The following CIC variants were observed in gnomAD, a reference collection of about 807,000 sequenced individuals.
CIC encodes protein capicua homolog.
A neutral mutation model predicts 115.7 loss-of-function variants in CIC; 18 were observed. The ratio of observed to expected loss-of-function variants is 0.16; its 90% CI spans 0.11 to 0.23. The LOEUF is 0.23. Ranked by LOEUF, CIC falls within the 10% of genes least tolerant of loss-of-function variation. The pLI is 1.00. For missense variants in CIC, 2,000 were observed against 2,159.3 expected, an observed-to-expected ratio of 0.93 and a Z score of 1.46; for synonymous variants, 1,076 against 923.0, an observed-to-expected ratio of 1.17 and a Z score of -3.01.
rs1244274919 is a variant in CIC, at chr19:42,294,695, G to A, written c.7146G>A (p.Leu2382=). 2 of 1,613,740 alleles carry A rather than the reference G, an allele frequency of 1.2e-6. No individual in the cohort carries two copies. Among genetic ancestry groups the A allele is most frequent in the African/African-American group, 2.7e-5 (2 of 75,026 alleles). ...GCACCCTGGACCAGCGCCGGGCCCT[G>A]GTCATGCAGCTCTTTCAGGACCATG... ...LRRTLDQRRA[L]VMQLFQDHGF... The change falls in exon 20 of 21, where the codon CTG becomes CTA. Residue 2382 remains leucine (L), a synonymous_variant. Coordinates refer to ENST00000681038, the MANE Select transcript of CIC (RefSeq NM_001386298.1).
Position 42,293,550 on chromosome 19 carries a change from T to A in CIC, c.6523-42T>A. On this transcript the variant is annotated intron_variant, in intron 16 of 20. Coordinates refer to ENST00000681038, the MANE Select transcript of CIC (RefSeq NM_001386298.1). ...TGTTTCTGGCCTTTGCCCCAGAGTCTGAGCTCAGTGTTCGCCATCTCCCTG... is the reference window on the plus strand; with the variant it reads ...TGTTTCTGGCCTTTGCCCCAGAGTCAGAGCTCAGTGTTCGCCATCTCCCTG... The A allele has an allele frequency of 2.5e-6, 4 of 1,613,316 alleles. No individual in the cohort carries two copies. The South Asian group carries it at 4.4e-5, about 18-fold the overall frequency.
In CIC at chr19:42,289,050, G is replaced by C. The variant is rs2147228410; in HGVS notation, c.3821G>C (p.Gly1274Ala). The change falls in exon 8 of 21, where the codon GGC becomes GCC. Residue 1274 changes from glycine (G) to alanine (A), a missense_variant. Physicochemically the swap from Gly to Ala is moderately conservative, Grantham distance 60 (BLOSUM62 0). This residue lies in a region of CIC where 1,466 missense variants were observed against 1,390.4 expected (regional missense o/e 1.05). Transcript: ENST00000681038. ...CACAGCGGGGTACACAGCCTGGACG[G>C]CGGAGAAGTAGACAGTCAGGCGCTA... ...FSHSGVHSLD[G>A]GEVDSQALQE... is the part of the protein sequence containing the mutation. 1 of 1,613,724 alleles carries C rather than the reference G, an allele frequency of 6.2e-7. No individual in the cohort carries two copies. The highest frequency in any genetic ancestry group is 8.5e-7 in the Non-Finnish European group (1 of 1,180,048).
rs2147179084 is a variant in CIC at position 42,287,091 on chromosome 19, A to G, written c.3030A>G (p.Thr1010=). Residue 1010 remains threonine, a synonymous_variant, in exon 4 of 21, where the codon ACA becomes ACG. Coordinates refer to ENST00000681038, the MANE Select transcript of CIC (RefSeq NM_001386298.1). The surrounding 1 kb of genome is among the most constrained non-coding windows in gnomAD (Gnocchi z 8.7). Reference sequence around the variant, plus strand: ...ACCCTGAGCGGCCCCCTGGAGCCACATGCCCTGAGAGCCCAGGACCCGGAC... The same window carrying G: ...ACCCTGAGCGGCCCCCTGGAGCCACGTGCCCTGAGAGCCCAGGACCCGGAC... The part of the protein sequence containing the change: ...SADPERPPGA[T]CPESPGPGPP... 1 of 1,613,416 alleles carries G rather than the reference A, an allele frequency of 6.2e-7. No individual in the cohort carries two copies. Among genetic ancestry groups the G allele is most frequent in the South Asian group, 1.1e-5 (1 of 91,062 alleles).
At chr19:42,294,350 G>C (rs750525514) in intron 19 of CIC, 46 bp downstream of exon 19, 2 of 1,608,488 alleles carry the variant, frequency 1.2e-6, no homozygotes, top group Non-Finnish European at 1.7e-6. Context: ...CCTGCAAGAG[G>C]AGTGGGTCTC....
chr19:42,293,929 C>T lies in CIC; in HGVS notation c.6768-6C>T, dbSNP rs367893295. 7.5e-5 allele frequency: 121 copies of T among 1,612,844 alleles called. No individual in the cohort carries two copies. The highest frequency in any genetic ancestry group is 9.8e-5 in the Non-Finnish European group (116 of 1,179,974). On this transcript the variant is annotated splice_region_variant and splice_polypyrimidine_tract_variant and intron_variant, in intron 17 of 20. Coordinates refer to ENST00000681038, the MANE Select transcript of CIC (RefSeq NM_001386298.1). ...GGCGGGGGAGGTGACCCTGCCGGCC[C>T]TCCAGCAGGGTCCTGTCAGAAGTGG...
At chr19:42,268,944 G>A (rs1178891503), upstream of CIC, among the ~76,000 whole-genome samples, 1 of 152,192 alleles carries the variant, frequency 6.6e-6, no homozygotes, top group Non-Finnish European at 1.5e-5. Context: ...TACTGTATTT[G>A]TCATTTGGAA....
chr19:42,274,898 C>G (rs188255848), intron 2 of CIC, among the ~76,000 whole-genome samples: 1 of 152,180 alleles, frequency 6.6e-6, no homozygotes, highest in Non-Finnish European at 1.5e-5. Flanking sequence ...GTGGCAACAG[C>G]TTCCACATCT....
At chr19:42,284,801 G>C (rs768148820) in intron 2 of CIC, 2 of 1,535,174 alleles carry the variant, frequency 1.3e-6, no homozygotes, top group South Asian at 2.4e-5. Context: ...TGGGACTGCA[G>C]GGGTCAAGGT....
rs1882021230 is a variant in CIC, at chr19:42,291,022, A to C, written c.4981A>C (p.Thr1661Pro). ...CTTGGTGGCTGGACCCCTGCTGGGC[A>C]CTGTGGGGAAGGCGCCTGCCACTGT... is the stretch of plus-strand genomic sequence containing the variant. ...PHLVAGPLLGTVGKAPATVTN... is the reference protein window; with the variant it reads ...PHLVAGPLLGPVGKAPATVTN... Residue 1661 changes from threonine (T) to proline (P), a missense_variant, in exon 11 of 21, where the codon ACT (threonine) becomes CCT (proline). This residue lies in a region of CIC where 1,466 missense variants were observed against 1,390.4 expected (regional missense o/e 1.05). Transcript: ENST00000681038. The C allele has an allele frequency of 1.9e-6, 3 of 1,613,562 alleles. No homozygotes were observed. Among genetic ancestry groups the C allele is most frequent in the Non-Finnish European group, 1.7e-6 (2 of 1,179,914 alleles).
At chr19:42,288,064 C>T (rs1190038931) in intron 7 of CIC, 89 bp downstream of exon 7, 4 of 1,427,536 alleles carry the variant, frequency 2.8e-6, no homozygotes, top group Non-Finnish European at 2.9e-6. Context: ...CCTGCCCCAG[C>T]AGCTCCTCTC....
chr19:42,290,481 A>G lies in CIC; in HGVS notation c.4440A>G (p.Leu1480=), dbSNP rs754264586. ...ESGQGSTAGP[L]RPPPPGAGGP... Reference sequence around the variant, plus strand: ...GTCAGGGCAGCACAGCGGGCCCCCTACGGCCCCCACCCCCTGGGGCTGGGG... The same window carrying G: ...GTCAGGGCAGCACAGCGGGCCCCCTGCGGCCCCCACCCCCTGGGGCTGGGG... Residue 1480 remains leucine (L), a synonymous_variant, in exon 11 of 21, where the codon CTA becomes CTG. Coordinates refer to ENST00000681038, the MANE Select transcript of CIC (RefSeq NM_001386298.1). 2.5e-6 allele frequency: 4 copies of G among 1,613,524 alleles called. No homozygotes were observed. The highest frequency in any genetic ancestry group is 2.2e-5 in the South Asian group (2 of 91,076).
intron 2 of CIC, among the ~76,000 whole-genome samples, chr19:42,277,636 G>A (rs933904609): frequency 1.3e-5 from 2 of 152,240 alleles, no homozygotes; most frequent in Non-Finnish European, 2.9e-5. Context: ...ACTGAGCGAA[G>A]ACTGTGTGCC....
chr19:42,282,080 C>T (rs2037283285), intron 2 of CIC, among the ~76,000 whole-genome samples: 1 of 152,156 alleles, frequency 6.6e-6, no homozygotes, highest in African/African-American at 2.4e-5. Flanking sequence ...CAATTCGTGC[C>T]TCACATTGCA....
chr19:42,270,028 G>T lies in CIC; in HGVS notation c.-11+647G>T, dbSNP rs942235948. Among the ~76,000 whole-genome samples, 3 of 152,170 alleles carry T rather than the reference G, an allele frequency of 2.0e-5. No homozygotes were observed. Among genetic ancestry groups the T allele is most frequent in the Non-Finnish European group, 4.4e-5 (3 of 68,020 alleles). Reference sequence around the variant, plus strand: ...AGTAGGCCCTAGGGGAAAGAAAGCAGCTCTGGGGCGAAGAGAGGCTGGGCC... The same window carrying T: ...AGTAGGCCCTAGGGGAAAGAAAGCATCTCTGGGGCGAAGAGAGGCTGGGCC... On this transcript the variant is annotated intron_variant, in intron 1 of 20. Transcript: ENST00000681038. The surrounding 1 kb of genome is among the most constrained non-coding windows in gnomAD (Gnocchi z 4.1).
Position 42,274,330 on chromosome 19 carries a change from C to T in CIC, c.2547C>T (p.Pro849=). ...PGRGCRETPV[P]PGVASGKPGL... The stretch of plus-strand genomic sequence containing the variant: ...GGGGCTGCCGTGAAACCCCAGTGCC[C>T]CCTGGGGTGGCCAGTGGGAAGCCTG... The change falls in exon 2 of 21, where the codon CCC becomes CCT. Residue 849 remains proline, a synonymous_variant. Coordinates refer to ENST00000681038, the MANE Select transcript of CIC (RefSeq NM_001386298.1). The T allele has an allele frequency of 2.5e-6, 1 of 398,662 alleles. No homozygotes were observed. Among genetic ancestry groups the T allele is most frequent in the Non-Finnish European group, 4.4e-6 (1 of 226,104 alleles). The allele number at this position is 398,662 out of a possible 1,614,324, so 24.7% of individuals were successfully genotyped here. A position where few individuals can be genotyped will look rare whatever the true frequency, so the allele number is the denominator to read the frequency against.
intron 10 of CIC, 92 bp from the exon 11 acceptor site, chr19:42,290,141 C>T (rs2037968267): frequency 1.9e-6 from 3 of 1,579,698 alleles, no homozygotes; most frequent in Non-Finnish European, 2.6e-6. Context: ...CCTAGGCTGG[C>T]CTGGCTGACA....
intron 12 of CIC, 57 bp downstream of exon 12, chr19:42,291,802 T>C: frequency 6.3e-7 from 1 of 1,599,638 alleles, no homozygotes; most frequent in South Asian, 1.1e-5. Flanking sequence ...CCCCATCATT[T>C]CTTTGTCTTT....
chr19:42,294,557 GC>G, intron 19 of CIC, 46 bp from the exon 20 acceptor site: 2 of 1,609,964 alleles, frequency 1.2e-6, no homozygotes, highest in Non-Finnish European at 1.7e-6. Context: ...TGGCAGGAAG[GC>G]CCTGCCGCTG....
chr19:42,273,997 C>T lies in CIC; in HGVS notation c.2214C>T (p.Asp738=). ...PGAGGGGAAP[D]FPKSDSLDSG... ...CAGGGGGTGGAGGAGCCGCCCCAGA[C>T]TTTCCCAAGAGTGACAGCTTAGACT... is the stretch of plus-strand genomic sequence containing the variant. The change falls in exon 2 of 21, where the codon GAC becomes GAT. Residue 738 remains aspartate, a synonymous_variant. Transcript: ENST00000681038. The T allele has an allele frequency of 2.5e-6, 1 of 398,940 alleles. No homozygotes were observed. The highest frequency in any genetic ancestry group is 4.4e-6 in the Non-Finnish European group (1 of 226,284). The allele number at this position is 398,940 out of a possible 1,614,324, so 24.7% of individuals were successfully genotyped here.
Sources: allele counts gnomAD v4.1 joint callset (sites outside exome capture counted in the v4.1 genomes callset), GRCh38; gene constraint gnomAD v4.1.1; regional missense constraint gnomAD v4.1.1; non-coding constraint Gnocchi (gnomAD v3.1); transcripts MANE v1.5; gene names NCBI Gene and HGNC (gene_info 2026-07-23, HGNC 2026-07-21).